ANKAR: variants seen among roughly 807,000 people sequenced by gnomAD.
ANKAR encodes the protein ankyrin and armadillo repeat containing.
In ANKAR, 136 loss-of-function variants were observed where a neutral mutation model predicts 146.2. That is an observed-to-expected ratio of 0.93 (90% CI 0.81 to 1.07). The LOEUF (loss-of-function observed/expected upper bound fraction) is 1.07, where lower values mean the gene tolerates loss of function less well. ANKAR is among the 50% of genes least tolerant of loss of function. ANKAR has a pLI of 0.00. For synonymous variants in ANKAR, 500 were observed against 575.8 expected, an observed-to-expected ratio of 0.87 and a Z score of 1.88; for missense variants, 1,567 against 1,679.9, an observed-to-expected ratio of 0.93 and a Z score of 1.18.
chr2:189,694,398 G>A (rs532773251), intron 5 of ANKAR, among the ~76,000 whole-genome samples: 1 of 152,206 alleles, frequency 6.6e-6, no homozygotes, highest in South Asian at 2.1e-4. Flanking sequence ...GAGGAAGGTC[G>A]CCGTTTTCCC....
chr2:189,692,936 T>C (rs753334570), intron 4 of ANKAR, 138 bp from the exon 5 acceptor site: 8 of 475,064 alleles, frequency 1.7e-5, no homozygotes, highest in African/African-American at 2.0e-5. Context: ...ATTAGATATA[T>C]TCAGCTGCTA....
intron 18 of ANKAR, among the ~76,000 whole-genome samples, chr2:189,755,742 G>A (rs1574884841): frequency 1.3e-5 from 2 of 152,150 alleles, no homozygotes; most frequent in East Asian, 1.9e-4. Context: ...AGTAATTAAG[G>A]GGATAATGTT....
chr2:189,742,893 C>CACACACA (rs58932882), intron 20 of ANKAR, among the ~76,000 whole-genome samples: 5 of 73,594 alleles, frequency 6.8e-5, no homozygotes, highest in African/African-American at 2.2e-4. Context: ...CACACACACA[C>CACACACA]TAGAATTACC....
At position 189,677,096 on chromosome 2, in the gene ANKAR, G is replaced by A. The variant is rs771699788; in HGVS notation, c.601+5G>A. Reference sequence around the variant, plus strand: ...TTTCAGAGTTTAGTTCAGCAGGTAAGAGAATTTAACACTTCTTAAATTTTT... The same window carrying A: ...TTTCAGAGTTTAGTTCAGCAGGTAAAAGAATTTAACACTTCTTAAATTTTT... On this transcript the variant is annotated splice_donor_5th_base_variant and intron_variant, in intron 2 of 22. Coordinates refer to ENST00000684021, the MANE Select transcript of ANKAR (RefSeq NM_001378068.1). The A allele has an allele frequency of 3.3e-6, 5 of 1,501,986 alleles. No individual in the cohort carries two copies. Among genetic ancestry groups the A allele is most frequent in the Admixed American group, 2.4e-5 (1 of 41,138 alleles). The allele number at this position is 1,501,986 out of a possible 1,614,324, so 93.0% of individuals were successfully genotyped here. A position where few individuals can be genotyped will look rare whatever the true frequency, so the allele number is the denominator to read the frequency against.
At chr2:189,760,300 G>A (rs2046820869) in intron 18 of ANKAR, among the ~76,000 whole-genome samples, 1 of 152,184 alleles carries the variant, frequency 6.6e-6, no homozygotes, top group Non-Finnish European at 1.5e-5. Flanking sequence ...TGGCAGCCGG[G>A]CAGAGGGGCT....
chr2:189,722,115 C>A (rs753775452), intron 12 of ANKAR, among the ~76,000 whole-genome samples: 4 of 151,972 alleles, frequency 2.6e-5, no homozygotes, highest in African/African-American at 7.2e-5. Flanking sequence ...GAGGCTGAGG[C>A]AGATCACCTG....
chr2:189,689,551 C>A lies in ANKAR; in HGVS notation c.626C>A (p.Pro209Gln). ...GGTTTGACTGATATTACAAAGGATCCAGACTTTAATGAAATCTATGATGAA... is the reference window on the plus strand; with the variant it reads ...GGTTTGACTGATATTACAAAGGATCAAGACTTTAATGAAATCTATGATGAA... ...SAGLTDITKD[P>Q]DFNEIYDEDV... The change falls in exon 3 of 23, where the codon CCA (proline) becomes CAA (glutamine). Residue 209 changes from proline (P) to glutamine (Q), a missense_variant. Coordinates refer to ENST00000684021, the MANE Select transcript of ANKAR (RefSeq NM_001378068.1). 1 of 1,594,884 alleles carries A rather than the reference C, an allele frequency of 6.3e-7. No individual in the cohort carries two copies. The highest frequency in any genetic ancestry group is 1.8e-5 in the Admixed American group (1 of 56,100).
At chr2:189,718,663 A>G (rs1393214354) in intron 10 of ANKAR, among the ~76,000 whole-genome samples, 2 of 152,036 alleles carry the variant, frequency 1.3e-5, no homozygotes, top group African/African-American at 4.8e-5. Context: ...CATTTTGTGC[A>G]TGTCCTATAA....
chr2:189,737,734 C>G lies in ANKAR; in HGVS notation c.3475C>G (p.Arg1159Gly). 1 of 1,598,582 alleles carries G rather than the reference C, an allele frequency of 6.3e-7. No homozygotes were observed. Among genetic ancestry groups the G allele is most frequent in the Non-Finnish European group, 8.5e-7 (1 of 1,176,230 alleles). ...YALTLFAFNN[R>G]FQQYLILESG... The stretch of plus-strand genomic sequence containing the variant: ...ATTAACACTTTTTGCCTTCAATAAT[C>G]GCTTTCAACAATACTTAATATTGGA... Residue 1159 changes from arginine (R) to glycine (G), a missense_variant, in exon 18 of 23, where the codon CGC becomes GGC. Arg to Gly is a moderately radical substitution (Grantham distance 125, BLOSUM62 -2). Coordinates refer to ENST00000684021, the MANE Select transcript of ANKAR (RefSeq NM_001378068.1).
intron 2 of ANKAR, among the ~76,000 whole-genome samples, chr2:189,684,381 T>A (rs567515134): frequency 6.6e-6 from 1 of 152,302 alleles, no homozygotes; most frequent in African/African-American, 2.4e-5. Flanking sequence ...AAATACTTTG[T>A]ATTTTGAATT....
At chr2:189,748,738 G>T (rs189122431), downstream of ANKAR, among the ~76,000 whole-genome samples, 1 of 152,276 alleles carries the variant, frequency 6.6e-6, no homozygotes, top group African/African-American at 2.4e-5. Flanking sequence ...GAAATATTAA[G>T]TTTCTGTAGA....
intron 7 of ANKAR, among the ~76,000 whole-genome samples, chr2:189,698,122 G>T (rs1574453880): frequency 6.6e-6 from 1 of 152,190 alleles, no homozygotes; most frequent in Non-Finnish European, 1.5e-5. Flanking sequence ...GAAATGGTAA[G>T]ACATAAATAA....
In ANKAR at chr2:189,677,106, C is replaced by A; in HGVS notation, c.601+15C>A. 3 of 1,452,152 alleles carry A rather than the reference C, an allele frequency of 2.1e-6. No homozygotes were observed. The highest frequency in any genetic ancestry group is 1.8e-6 in the Non-Finnish European group (2 of 1,109,330). The allele number at this position is 1,452,152 out of a possible 1,614,324, so 90.0% of individuals were successfully genotyped here. The stretch of plus-strand genomic sequence containing the variant: ...TAGTTCAGCAGGTAAGAGAATTTAA[C>A]ACTTCTTAAATTTTTTTTTTTTTTT... On this transcript the variant is annotated intron_variant, in intron 2 of 22. Coordinates refer to ENST00000684021, the MANE Select transcript of ANKAR (RefSeq NM_001378068.1).
intron 21 of ANKAR, 77 bp downstream of exon 21, chr2:189,743,551 C>A: frequency 7.8e-7 from 1 of 1,280,396 alleles, no homozygotes; most frequent in South Asian, 1.4e-5. Context: ...TAAGATCCAA[C>A]AAGAGGAACT....
downstream of ANKAR, chr2:189,746,661 AT>A: frequency 6.5e-7 from 1 of 1,541,614 alleles, no homozygotes; most frequent in Non-Finnish European, 8.7e-7. Context: ...TTCCTGAGCC[AT>A]CTTTTAAAAA....
chr2:189,751,935 C>G (rs2105976472), intron 18 of ANKAR, among the ~76,000 whole-genome samples: 1 of 150,798 alleles, frequency 6.6e-6, no homozygotes, highest in Non-Finnish European at 1.5e-5. Flanking sequence ...CACTTGAGGC[C>G]TGGAGTTCGA....
At chr2:189,681,141 C>T (rs1159663234) in intron 2 of ANKAR, among the ~76,000 whole-genome samples, 2 of 152,180 alleles carry the variant, frequency 1.3e-5, no homozygotes, top group African/African-American at 2.4e-5. Context: ...AAACAACAAG[C>T]TCTTTTTAGA....
chr2:189,699,285 C>T (rs1393373795), intron 7 of ANKAR, among the ~76,000 whole-genome samples: 1 of 152,178 alleles, frequency 6.6e-6, no homozygotes, highest in Admixed American at 6.5e-5. Context: ...GCTTAGTTTG[C>T]CACAAGGACC....
chr2:189,738,702 T>A lies in ANKAR; in HGVS notation c.3700+20T>A, dbSNP rs945294761. 2.8e-6 allele frequency: 4 copies of A among 1,447,650 alleles called. No homozygotes were observed. Among genetic ancestry groups the A allele is most frequent in the Non-Finnish European group, 3.8e-6 (4 of 1,047,010 alleles). 89.7% of individuals were successfully genotyped at this position (1,447,650 alleles called of 1,614,324 possible). ...TGACAGGTAAGAAATGACTAGAAGT[T>A]AATTTTAGCCACATAAAACTATTTT... On this transcript the variant is annotated intron_variant, in intron 19 of 22. Coordinates refer to ENST00000684021, the MANE Select transcript of ANKAR (RefSeq NM_001378068.1).
Sources: gnomAD v4.1 joint callset for allele counts (sites outside exome capture counted in the v4.1 genomes callset) on GRCh38, gnomAD v4.1.1 for gene constraint, MANE v1.5 for transcripts, NCBI Gene and HGNC (gene_info 2026-07-23, HGNC 2026-07-21) for gene names.